The following DST variants were observed in gnomAD, a reference collection of about 807,000 sequenced individuals.
DST encodes the protein dystonin.
A neutral mutation model predicts 875.2 loss-of-function variants in DST; 253 were observed. The observed-to-expected ratio is 0.29, with a 90% confidence interval of 0.26 to 0.32. The LOEUF is 0.32. Ranked by LOEUF, DST falls within the 10% of genes least tolerant of loss-of-function variation. DST has a pLI of 1.00. For synonymous variants in DST, 3,124 were observed against 3,197.1 expected (o/e 0.98, Z 0.77); for missense variants, 8,287 against 9,111.6 (o/e 0.91, Z 3.68).
At position 56,459,054 on chromosome 6, in the gene DST, G is replaced by A. The variant is rs1265563608; in HGVS notation, c.23408C>T (p.Pro7803Leu). Residue 7803 changes from proline to leucine, a missense_variant, in exon 104 of 104, where the codon CCC becomes CTC. This residue lies in a region of DST where 240 missense variants were observed against 237.3 expected (regional missense o/e 1.01). Transcript: ENST00000680361. ...STAKPSKIPT[P>L]QRKSPASKLD... is the part of the protein sequence containing the mutation. ...TTTGCTGGCAGGTGATTTCCTCTGGGGCGTGGGGATTTTTGAAGGCTTCGC... is the reference window on the plus strand; with the variant it reads ...TTTGCTGGCAGGTGATTTCCTCTGGAGCGTGGGGATTTTTGAAGGCTTCGC... The A allele has an allele frequency of 6.2e-7, 1 of 1,613,952 alleles. No homozygotes were observed. The highest frequency in any genetic ancestry group is 2.2e-5 in the East Asian group (1 of 44,888).
intron 90 of DST, among the ~76,000 whole-genome samples, chr6:56,478,827 A>T (rs1028638736): frequency 6.6e-6 from 1 of 152,120 alleles, no homozygotes; most frequent in African/African-American, 2.4e-5. Context: ...ATACAAGAAA[A>T]CCTAAAAAAA....
intron 60 of DST, among the ~76,000 whole-genome samples, chr6:56,554,074 T>A (rs1267963414): frequency 1.3e-5 from 1 of 76,036 alleles, no homozygotes; most frequent in Non-Finnish European, 2.6e-5. Context: ...CGTCTATGAC[T>A]TTTTTTTTTT....
chr6:56,486,624 G>A (rs979555779), intron 87 of DST, among the ~76,000 whole-genome samples: 3 of 152,076 alleles, frequency 2.0e-5, no homozygotes, highest in African/African-American at 7.2e-5. Context: ...AGATCAGAAA[G>A]GGGTAGATGG....
In DST at chr6:56,880,545, G is replaced by A. The variant is rs186855619; in HGVS notation, c.417+19876C>T. Among the ~76,000 whole-genome samples the A allele has an allele frequency of 1.8e-3, 277 of 151,900 alleles. 1 individual carries two copies. Among genetic ancestry groups the A allele is most frequent in the African/African-American group, 6.2e-3 (255 of 41,454 alleles). ...TCTACTAAAAATACAAAAATTAGCC[G>A]GGCGTGGTACACACACCTGTTATCC... On this transcript the variant is annotated intron_variant, in intron 3 of 103. Transcript: ENST00000680361.
At chr6:56,612,201 T>C (rs2098551312) in intron 37 of DST, among the ~76,000 whole-genome samples, 2 of 152,032 alleles carry the variant, frequency 1.3e-5, no homozygotes, top group South Asian at 4.2e-4. Flanking sequence ...TGAAATATTG[T>C]CTCTATGAAA....
Position 56,630,341 on chromosome 6 carries a change from T to G in DST, c.4185A>C (p.Ala1395=), listed in dbSNP as rs2098767715. The part of the protein sequence containing the change: ...VNLVLKNTQA[A]EALVKLYETK... The stretch of plus-strand genomic sequence containing the variant: ...TTTCATAGAGTTTTACGAGGGCTTC[T>G]GCAGCTTGAGTGTTTTTTAACACCA... Residue 1395 remains alanine, a synonymous_variant, in exon 31 of 104, where the codon GCA becomes GCC. Coordinates refer to ENST00000680361, the MANE Select transcript of DST (RefSeq NM_001374736.1). 1 of 1,613,062 alleles carries G rather than the reference T, an allele frequency of 6.2e-7. No individual in the cohort carries two copies. The highest frequency in any genetic ancestry group is 1.3e-5 in the African/African-American group (1 of 75,042).
In DST at chr6:56,847,079, G is replaced by A. The variant is rs189121583; in HGVS notation, c.625+4318C>T. ...CTCCTATAATCCCAACACTTTGGGA[G>A]GCCCAGGCAGAAAAGATCACTTGAG... On this transcript the variant is annotated intron_variant, in intron 4 of 103. Transcript: ENST00000680361. Among the ~76,000 whole-genome samples the A allele has an allele frequency of 2.6e-3, 400 of 150,978 alleles. 2 individuals are homozygous for A. Among genetic ancestry groups the A allele is most frequent in the Admixed American group, 3.5e-3 (53 of 15,182 alleles).
In DST at chr6:56,555,563, C is replaced by T; in HGVS notation, c.14918G>A (p.Ser4973Asn). Reference protein sequence around the residue: ...LSDLDNKLSSSLAVSTHPDAM... With the variant: ...LSDLDNKLSSNLAVSTHPDAM... ...ATCAGGGTGCGTGCTCACAGCCAGA[C>T]TGCTGCTGAGTTTATTATCCAAGTC... Residue 4973 changes from serine (S) to asparagine (N), a missense_variant, in exon 60 of 104, where the codon AGT becomes AAT. This residue lies in a region of DST where 1,513 missense variants were observed against 1,677.8 expected (regional missense o/e 0.90). Coordinates refer to ENST00000680361, the MANE Select transcript of DST (RefSeq NM_001374736.1). 1 of 1,614,040 alleles carries T rather than the reference C, an allele frequency of 6.2e-7. No individual in the cohort carries two copies. Among genetic ancestry groups the T allele is most frequent in the Non-Finnish European group, 8.5e-7 (1 of 1,179,906 alleles).
At chr6:56,618,996 C>G in intron 36 of DST, 1 of 1,614,086 alleles carries the variant, frequency 6.2e-7, no homozygotes, top group Non-Finnish European at 8.5e-7. Flanking sequence ...TTTCTAACTT[C>G]TTTCTTGGTA....
At chr6:56,805,015 CATTT>C (rs2099751476) in intron 4 of DST, among the ~76,000 whole-genome samples, 1 of 151,810 alleles carries the variant, frequency 6.6e-6, no homozygotes, top group Admixed American at 6.6e-5. Flanking sequence ...TAATTTTAAA[CATTT>C]AAATAAATAT....
intron 2 of DST, among the ~76,000 whole-genome samples, chr6:56,952,465 T>C (rs779481536): frequency 5.3e-5 from 8 of 152,248 alleles, no homozygotes; most frequent in Admixed American, 2.0e-4. Flanking sequence ...ATTAATCTCA[T>C]ATTCAAAAAT....
At position 56,805,150 on chromosome 6, in the gene DST, G is replaced by A. The variant is rs186005142; in HGVS notation, c.625+46247C>T. On this transcript the variant is annotated intron_variant, in intron 4 of 103. Transcript: ENST00000680361. Reference sequence around the variant, plus strand: ...TTGATAAATAATTCATAAATCATGTGCATCATGCAGTTTCTAAAGAAACTG... The same window carrying A: ...TTGATAAATAATTCATAAATCATGTACATCATGCAGTTTCTAAAGAAACTG... 1.2e-3 allele frequency among the ~76,000 whole-genome samples: 184 copies of A among 152,202 alleles called. 3 individuals are homozygous for A. In the South Asian group the frequency reaches 0.016, roughly 13 times the overall value.
intron 3 of DST, among the ~76,000 whole-genome samples, chr6:56,872,986 T>C (rs1183125040): frequency 6.6e-6 from 1 of 152,136 alleles, no homozygotes; most frequent in Admixed American, 6.6e-5. Context: ...CATTCTCCTT[T>C]CCCTGAATAC....
intron 39 of DST, 66 bp from the exon 40 acceptor site, chr6:56,609,410 C>T: frequency 1.7e-6 from 2 of 1,173,436 alleles, no homozygotes; most frequent in Non-Finnish European, 2.4e-6. Context: ...TTTCATGCAA[C>T]TTAGGTTTTT....
intron 5 of DST, among the ~76,000 whole-genome samples, chr6:56,707,367 A>G (rs1371828959): frequency 6.6e-6 from 1 of 152,252 alleles, no homozygotes; most frequent in Non-Finnish European, 1.5e-5. Flanking sequence ...GAAAGCAGCC[A>G]AACTCTAAAA....
chr6:56,620,150 T>C, intron 36 of DST: 1 of 1,613,654 alleles, frequency 6.2e-7, no homozygotes, highest in Non-Finnish European at 8.5e-7. Context: ...AAGGTCTTTT[T>C]CCATCTGCTT....
At chr6:56,881,339 G>A (rs1387537194) in intron 3 of DST, among the ~76,000 whole-genome samples, 1 of 151,980 alleles carries the variant, frequency 6.6e-6, no homozygotes, top group African/African-American at 2.4e-5. Flanking sequence ...CGGGCTTGGT[G>A]AGACATGCCT....
chr6:56,642,736 G>A, intron 15 of DST: 1 of 1,614,064 alleles, frequency 6.2e-7, no homozygotes, highest in African/African-American at 1.3e-5. Context: ...AGTGCTGGTA[G>A]TGTTACTAAA....
At chr6:56,793,400 A>G (rs1367246435) in intron 4 of DST, among the ~76,000 whole-genome samples, 2 of 152,184 alleles carry the variant, frequency 1.3e-5, no homozygotes, top group Admixed American at 1.3e-4. Flanking sequence ...ATTCAGCAAA[A>G]TGTTAACACT....
Sources: gnomAD v4.1 joint callset for allele counts (sites outside exome capture counted in the v4.1 genomes callset) on GRCh38, gnomAD v4.1.1 for gene constraint, gnomAD v4.1.1 regional missense constraint, MANE v1.5 for transcripts, NCBI Gene and HGNC (gene_info 2026-07-23, HGNC 2026-07-21) for gene names.